Variants in PTPN1 observed in about 807,000 individuals in gnomAD.
PTPN1 encodes tyrosine-protein phosphatase non-receptor type 1.
Under a neutral mutation model 59.9 loss-of-function variants are expected in PTPN1, and 12 were observed. The observed-to-expected ratio is 0.20, with a 90% CI of 0.13 to 0.32. The LOEUF is 0.32. PTPN1 is among the 10% of genes least tolerant of loss of function. The probability of loss-of-function intolerance (pLI) is 1.00; values close to 1 mark genes in which losing one functional copy is unlikely to be tolerated. For missense variants in PTPN1, 356 were observed against 549.2 expected, an observed-to-expected ratio of 0.65 and a Z score of 3.52; for synonymous variants, 178 against 203.6, an observed-to-expected ratio of 0.87 and a Z score of 1.07.
intron 1 of PTPN1, among the ~76,000 whole-genome samples, chr20:50,524,043 C>T (rs1262219842): frequency 6.6e-6 from 1 of 152,186 alleles, no homozygotes; most frequent in Non-Finnish European, 1.5e-5. Context: ...GCATTATTCT[C>T]TTATTGTATA....
intron 1 of PTPN1, among the ~76,000 whole-genome samples, chr20:50,511,728 T>C (rs1323656460): frequency 6.6e-6 from 1 of 152,224 alleles, no homozygotes; most frequent in Non-Finnish European, 1.5e-5. Context: ...TTAAATGTCA[T>C]TGCGGGGGTT....
chr20:50,531,923 G>A (rs1191391106), intron 1 of PTPN1, among the ~76,000 whole-genome samples: 1 of 152,222 alleles, frequency 6.6e-6, no homozygotes, highest in Non-Finnish European at 1.5e-5. Flanking sequence ...TAAGGCTGCA[G>A]GGCATGTGGT....
chr20:50,578,714 C>T (rs1231674319), intron 6 of PTPN1, 85 bp downstream of exon 6: 16 of 1,101,062 alleles, frequency 1.5e-5, no homozygotes, highest in East Asian at 1.0e-4. Flanking sequence ...CTGAAGCGCT[C>T]CTCTTCCAAA....
At chr20:50,573,388 C>G (rs1282291696) in intron 4 of PTPN1, 1 of 152,380 alleles carries the variant, frequency 6.6e-6, no homozygotes, top group East Asian at 1.9e-4. Flanking sequence ...CTTGGCTGAC[C>G]TGAAACATTT....
At chr20:50,514,575 A>G (rs2082521011) in intron 1 of PTPN1, among the ~76,000 whole-genome samples, 1 of 151,926 alleles carries the variant, frequency 6.6e-6, no homozygotes, top group Admixed American at 6.6e-5. Context: ...TGTGTTGCCC[A>G]GGTTGGTCTT....
At chr20:50,546,759 C>T (rs1022194376) in intron 1 of PTPN1, among the ~76,000 whole-genome samples, 34 of 152,164 alleles carry the variant, frequency 2.2e-4, no homozygotes, top group Non-Finnish European at 5.9e-5. Context: ...ATGTGGATTC[C>T]TATGATACCT....
chr20:50,567,902 T>TTTCACAGTTTTATGA (rs1204619703), intron 3 of PTPN1, among the ~76,000 whole-genome samples: 1 of 152,240 alleles, frequency 6.6e-6, no homozygotes, highest in Non-Finnish European at 1.5e-5. Flanking sequence ...TAGGGACTAT[T>TTTCACAGTTTTATGA]ATTAGTCAAG....
intron 1 of PTPN1, among the ~76,000 whole-genome samples, chr20:50,538,187 C>T (rs781597467): frequency 4.4e-4 from 66 of 148,602 alleles, no homozygotes; most frequent in Non-Finnish European, 8.0e-4. Flanking sequence ...AATCAGAAAA[C>T]AATCCCGAGT....
chr20:50,546,310 A>T (rs2082676028), intron 1 of PTPN1, among the ~76,000 whole-genome samples: 1 of 152,164 alleles, frequency 6.6e-6, no homozygotes, highest in African/African-American at 2.4e-5. Context: ...TTGAATCTGA[A>T]CCTTGCTTTC....
Position 50,578,432 on chromosome 20 carries a change from C to G in PTPN1, c.505C>G (p.Arg169Gly). The change falls in exon 6 of 10, where the codon CGA becomes GGA. Residue 169 changes from arginine (R) to glycine (G), a missense_variant. Physicochemically the swap from Arg to Gly is moderately radical, Grantham distance 125. Coordinates refer to ENST00000371621, the MANE Select transcript of PTPN1 (RefSeq NM_002827.4). ...ELENLTTQETREILHFHYTTW... is the reference protein window; with the variant it reads ...ELENLTTQETGEILHFHYTTW... ...TTTTCTCTTTCAGACCCAAGAAACTCGAGAGATCTTACATTTCCACTATAC... is the reference window on the plus strand; with the variant it reads ...TTTTCTCTTTCAGACCCAAGAAACTGGAGAGATCTTACATTTCCACTATAC... 3 of 1,613,702 alleles carry G rather than the reference C, an allele frequency of 1.9e-6. No individual in the cohort carries two copies. Among genetic ancestry groups the G allele is most frequent in the Non-Finnish European group, 2.5e-6 (3 of 1,179,580 alleles).
At chr20:50,554,380 A>ATTCTCTCTCTCTCTCTCTCTC (rs11481722) in intron 1 of PTPN1, among the ~76,000 whole-genome samples, 8,939 of 140,042 alleles carry the variant, frequency 0.064, 582 homozygotes, top group East Asian at 0.1. Context: ...GCAAGACCAC[A>ATTCTCTCTCTCTCTCTCTCTC]TCTCTCTCTC....
At chr20:50,570,102 A>G (rs1313486653) in intron 4 of PTPN1, among the ~76,000 whole-genome samples, 2 of 152,256 alleles carry the variant, frequency 1.3e-5, no homozygotes, top group Non-Finnish European at 2.9e-5. Context: ...ACCTTTCCAA[A>G]AAAAGCACAG....
At chr20:50,538,166 A>G (rs2082632393) in intron 1 of PTPN1, among the ~76,000 whole-genome samples, 1 of 152,146 alleles carries the variant, frequency 6.6e-6, no homozygotes, top group South Asian at 2.1e-4. Context: ...ATGGAAACAC[A>G]GTACCTTTAT....
At chr20:50,520,640 T>C (rs1337245908) in intron 1 of PTPN1, among the ~76,000 whole-genome samples, 3 of 152,184 alleles carry the variant, frequency 2.0e-5, no homozygotes, top group Non-Finnish European at 1.5e-5. Context: ...GGTGCCTGTA[T>C]CTGTCTCCAG....
intron 1 of PTPN1, among the ~76,000 whole-genome samples, chr20:50,547,232 T>C (rs1013676458): frequency 1.8e-4 from 27 of 152,154 alleles, no homozygotes; most frequent in African/African-American, 6.3e-4. Flanking sequence ...GAAAAAGCAA[T>C]TTTTATACCT....
intron 1 of PTPN1, among the ~76,000 whole-genome samples, chr20:50,513,895 A>G (rs2082517904): frequency 6.9e-6 from 1 of 145,110 alleles, no homozygotes; most frequent in African/African-American, 2.6e-5. Context: ...ACTTCACTTA[A>G]AAAAAAAAAG....
chr20:50,568,499 C>T lies in PTPN1; in HGVS notation c.354+21C>T. 6.3e-7 allele frequency: 1 copy of T among 1,585,394 alleles called. No homozygotes were observed. Among genetic ancestry groups the T allele is most frequent in the Non-Finnish European group, 8.7e-7 (1 of 1,153,896 alleles). ...GTTCGGTAAGTCTCGGCTTCATTTG[C>T]TGTGTATGTGATCATGCATACCACT... is the stretch of plus-strand genomic sequence containing the variant. On this transcript the variant is annotated intron_variant, in intron 4 of 9. Coordinates refer to ENST00000371621, the MANE Select transcript of PTPN1 (RefSeq NM_002827.4). The surrounding 1 kb of genome is among the most constrained non-coding windows in gnomAD (Gnocchi z 5.6).
At chr20:50,521,106 C>A (rs569531514) in intron 1 of PTPN1, among the ~76,000 whole-genome samples, 156 of 152,236 alleles carry the variant, frequency 1.0e-3, no homozygotes, top group Non-Finnish European at 1.7e-3. Flanking sequence ...TTGAAAAAAA[C>A]CCATTATTTC....
At chr20:50,531,881 C>G (rs893631530) in intron 1 of PTPN1, among the ~76,000 whole-genome samples, 1 of 152,180 alleles carries the variant, frequency 6.6e-6, no homozygotes, top group African/African-American at 2.4e-5. Context: ...CTAGCAATTA[C>G]TGACATGTGG....
Sources: allele counts gnomAD v4.1 joint callset (sites outside exome capture counted in the v4.1 genomes callset), GRCh38; gene constraint gnomAD v4.1.1; non-coding constraint Gnocchi (gnomAD v3.1); transcripts MANE v1.5; gene names NCBI Gene and HGNC (gene_info 2026-07-23, HGNC 2026-07-21).